Variants in MED12L observed in about 807,000 individuals in gnomAD.
MED12L encodes mediator complex subunit 12L, also known as mediator of RNA polymerase II transcription subunit 12-like protein.
In MED12L, 60 loss-of-function variants were observed where a neutral mutation model predicts 281.3. The ratio of observed to expected loss-of-function variants is 0.21; its 90% CI spans 0.17 to 0.26. The LOEUF (loss-of-function observed/expected upper bound fraction) is 0.26. Ranked by LOEUF, MED12L falls within the 10% of genes least tolerant of loss-of-function variation. The pLI is 1.00. For missense variants in MED12L, 2,146 were observed against 2,680.9 expected, an observed-to-expected ratio of 0.80 and a Z score of 4.41; for synonymous variants, 974 against 987.2, an observed-to-expected ratio of 0.99 and a Z score of 0.25.
chr3:151,169,523 A>G (rs1721159202), intron 11 of MED12L, among the ~76,000 whole-genome samples: 1 of 152,194 alleles, frequency 6.6e-6, no homozygotes, highest in Non-Finnish European at 1.5e-5. Flanking sequence ...TAAGTTACTC[A>G]AGGCTTTGTG....
At chr3:151,389,033 G>C (rs1268597647) in intron 37 of MED12L, among the ~76,000 whole-genome samples, 1 of 152,142 alleles carries the variant, frequency 6.6e-6, no homozygotes, top group Non-Finnish European at 1.5e-5. Context: ...TCTTTTCCTA[G>C]CTGATAGCTT....
At chr3:151,273,043 G>A (rs930715970) in intron 16 of MED12L, among the ~76,000 whole-genome samples, 5 of 152,072 alleles carry the variant, frequency 3.3e-5, no homozygotes, top group Non-Finnish European at 5.9e-5. Flanking sequence ...CATCTGCTAA[G>A]TGTAATGCAA....
chr3:151,186,383 C>T (rs961036925), intron 12 of MED12L, among the ~76,000 whole-genome samples: 6 of 152,158 alleles, frequency 3.9e-5, no homozygotes, highest in African/African-American at 1.4e-4. Flanking sequence ...ATCGCATTGT[C>T]TCCTTACTGA....
At chr3:151,192,138 T>A (rs985542495) in intron 14 of MED12L, among the ~76,000 whole-genome samples, 1 of 152,214 alleles carries the variant, frequency 6.6e-6, no homozygotes, top group Non-Finnish European at 1.5e-5. Context: ...TGAAGTTCCT[T>A]TACCTGTTTA....
At chr3:151,426,100 A>T (rs1361096783) in intron 43 of MED12L, among the ~76,000 whole-genome samples, 1 of 152,222 alleles carries the variant, frequency 6.6e-6, no homozygotes, top group Non-Finnish European at 1.5e-5. Context: ...TACTGAACCT[A>T]TTTATTGACC....
At chr3:151,404,088 G>C (rs1325687940) in intron 39 of MED12L, among the ~76,000 whole-genome samples, 1 of 152,074 alleles carries the variant, frequency 6.6e-6, no homozygotes, top group African/African-American at 2.4e-5. Context: ...TCAATCACTG[G>C]CTTTTTAAAA....
chr3:151,237,759 A>AG (rs1339724569), intron 16 of MED12L, among the ~76,000 whole-genome samples: 2 of 152,022 alleles, frequency 1.3e-5, no homozygotes, highest in Non-Finnish European at 2.9e-5. Flanking sequence ...CAGATTAAAA[A>AG]TTTTTTTCTT....
chr3:151,371,534 T>A (rs945194300), intron 26 of MED12L, among the ~76,000 whole-genome samples: 3 of 152,358 alleles, frequency 2.0e-5, no homozygotes, highest in Admixed American at 6.5e-5. Flanking sequence ...CTTAAGATTT[T>A]GTTAGTAAAT....
chr3:151,154,269 A>G (rs1037629265), intron 5 of MED12L, among the ~76,000 whole-genome samples: 3 of 152,194 alleles, frequency 2.0e-5, no homozygotes, highest in African/African-American at 4.8e-5. Context: ...CACAGGGTTA[A>G]GAGGGCTTTA....
At chr3:151,198,192 A>T (rs947018019) in intron 16 of MED12L, 2 of 369,468 alleles carry the variant, frequency 5.4e-6, no homozygotes, top group Non-Finnish European at 9.7e-6. Flanking sequence ...TCGTTCAATG[A>T]GACTCTTTAG....
intron 16 of MED12L, among the ~76,000 whole-genome samples, chr3:151,318,181 CGG>C (rs1748539889): frequency 1.3e-5 from 2 of 151,146 alleles, no homozygotes; most frequent in East Asian, 3.9e-4. Context: ...AAGTATGTTA[CGG>C]AAAAGTAGCT....
At position 151,357,362 on chromosome 3, in the gene MED12L, C is replaced by G; in HGVS notation, c.2811C>G (p.Ala937=). The part of the protein sequence containing the change: ...SCLILNPDQT[A]QVFEGLCGVV... ...TAATCTTGAATCCTGATCAGACAGCCCAGGTGTTTGAAGGGTTGGTATATA... is the reference window on the plus strand; with the variant it reads ...TAATCTTGAATCCTGATCAGACAGCGCAGGTGTTTGAAGGGTTGGTATATA... Residue 937 remains alanine, a synonymous_variant, in exon 20 of 45, where the codon GCC becomes GCG. Transcript: ENST00000687756. The G allele has an allele frequency of 6.2e-7, 1 of 1,608,694 alleles. No homozygotes were observed. Among genetic ancestry groups the G allele is most frequent in the Non-Finnish European group, 8.5e-7 (1 of 1,177,898 alleles).
intron 23 of MED12L, 25 bp downstream of exon 23, chr3:151,366,016 A>G: frequency 1.3e-6 from 2 of 1,530,720 alleles, no homozygotes; most frequent in Non-Finnish European, 1.8e-6. Context: ...TCATTTAAAA[A>G]TTGAACTGTG....
chr3:151,092,180 C>T lies in MED12L; in HGVS notation c.99+5155C>T, dbSNP rs62284803. ...GTGTATAGGTTCCTGTCCCTTGCTC[C>T]CTGCAGCAGTTTTGTTTCCTGTCAT... On this transcript the variant is annotated intron_variant, in intron 2 of 44. Coordinates refer to ENST00000687756, the MANE Select transcript of MED12L (RefSeq NM_001393769.1). 5.3e-3 allele frequency among the ~76,000 whole-genome samples: 809 copies of T among 152,342 alleles called. 5 individuals are homozygous for T. The highest frequency in any genetic ancestry group is 7.5e-3 in the South Asian group (36 of 4,824).
intron 10 of MED12L, 121 bp from the exon 11 acceptor site, chr3:151,165,723 CAT>C: frequency 9.2e-7 from 1 of 1,089,998 alleles, no homozygotes; most frequent in East Asian, 2.4e-5. Context: ...TGTTTGATAA[CAT>C]ATGCCAAGAA....
intron 16 of MED12L, among the ~76,000 whole-genome samples, chr3:151,233,275 T>C (rs1732068548): frequency 6.6e-6 from 1 of 152,240 alleles, no homozygotes; most frequent in South Asian, 2.1e-4. Context: ...TTGTCATCTC[T>C]TATTCTCATC....
intron 25 of MED12L, 113 bp from the exon 26 acceptor site, chr3:151,369,323 T>C (rs543140478): frequency 3.0e-5 from 18 of 606,078 alleles, no homozygotes; most frequent in Non-Finnish European, 4.6e-5. Context: ...TAAAGCAAGC[T>C]AATGGCAATT....
intron 16 of MED12L, among the ~76,000 whole-genome samples, chr3:151,305,304 AG>A (rs1746500433): frequency 6.6e-6 from 1 of 152,220 alleles, no homozygotes; most frequent in Non-Finnish European, 1.5e-5. Context: ...TGTTTGTGGT[AG>A]GCCTAGGTTT....
At position 151,382,704 on chromosome 3, in the gene MED12L, C is replaced by T. The variant is rs764985317; in HGVS notation, c.4639C>T (p.Arg1547Trp). The stretch of plus-strand genomic sequence containing the variant: ...ACGATACCAAGATGACATAAAAGCG[C>T]GGCAGATGATGCACGAAGCATTGCA... ...EERYQDDIKARQMMHEALQLR... is the reference protein window; with the variant it reads ...EERYQDDIKAWQMMHEALQLR... The change falls in exon 33 of 45, where the codon CGG becomes TGG. Residue 1547 changes from arginine to tryptophan, a missense_variant. By Grantham distance (101) the Arg-to-Trp change is moderately radical. Transcript: ENST00000687756. 41 of 1,611,852 alleles carry T rather than the reference C, an allele frequency of 2.5e-5. No individual in the cohort carries two copies. The highest frequency in any genetic ancestry group is 3.2e-5 in the Non-Finnish European group (38 of 1,178,996).
Sources: gnomAD v4.1 joint callset for allele counts (sites outside exome capture counted in the v4.1 genomes callset) on GRCh38, gnomAD v4.1.1 for gene constraint, MANE v1.5 for transcripts, NCBI Gene and HGNC (gene_info 2026-07-23, HGNC 2026-07-21) for gene names.